Variants in ZBTB48 observed in about 807,000 individuals in gnomAD.
ZBTB48 encodes zinc finger and BTB domain-containing protein 48.
In ZBTB48, 35 loss-of-function variants were observed where a neutral mutation model predicts 64.5. The ratio of observed to expected loss-of-function variants is 0.54; its 90% CI spans 0.41 to 0.72. The LOEUF (loss-of-function observed/expected upper bound fraction) is 0.72. ZBTB48 is among the 30% of genes least tolerant of loss of function. ZBTB48 has a pLI of 0.00. For missense variants in ZBTB48, 828 were observed against 895.3 expected, an observed-to-expected ratio of 0.92 and a Z score of 0.96; for synonymous variants, 442 against 356.7, an observed-to-expected ratio of 1.24 and a Z score of -2.70.
rs561383958 is a variant in ZBTB48, at chr1:6,581,934, G to T, written c.691-124G>T. The T allele has an allele frequency of 2.1e-6, 3 of 1,440,594 alleles. No individual in the cohort carries two copies. The South Asian group carries it at 3.9e-5, about 19-fold the overall frequency. 89.2% of individuals were successfully genotyped at this position (1,440,594 alleles called of 1,614,324 possible). A position where few individuals can be genotyped will look rare whatever the true frequency, so the allele number is the denominator to read the frequency against. ...AGATGCTCTGCCTTGGGCCCCTGAAGGAACTTGTCTGATGAAGGGACTTGT... is the reference window on the plus strand; with the variant it reads ...AGATGCTCTGCCTTGGGCCCCTGAATGAACTTGTCTGATGAAGGGACTTGT... On this transcript the variant is annotated intron_variant, in intron 2 of 10. Transcript: ENST00000377674.
At chr1:6,586,617 C>T (rs994524384) in intron 4 of ZBTB48, 78 bp from the exon 5 acceptor site, 101 of 1,444,124 alleles carry the variant, frequency 7.0e-5, no homozygotes, top group Non-Finnish European at 7.9e-5. Flanking sequence ...CAGCAGCAAG[C>T]GGAAGCCCGG....
chr1:6,589,083 G>C lies in ZBTB48; in HGVS notation c.1938G>C (p.Leu646=), dbSNP rs757849015. The C allele has an allele frequency of 3.1e-6, 5 of 1,608,086 alleles. No homozygotes were observed. The African/African-American group carries it at 5.4e-5, about 17-fold the overall frequency. The change falls in exon 11 of 11, where the codon CTG becomes CTC. Residue 646 remains leucine (L), a synonymous_variant. Coordinates refer to ENST00000377674, the MANE Select transcript of ZBTB48 (RefSeq NM_005341.4). ...CGGCGGAGGTCATTGTGGAGTCCCT[G>C]GCCCAGGGCGGCCTGGCCTCCCAGC... ...VGSAEVIVES[L]AQGGLASQLP...
chr1:6,580,961 A>G lies in ZBTB48; in HGVS notation c.352A>G (p.Thr118Ala), dbSNP rs1463320545. 6.8e-6 allele frequency: 11 copies of G among 1,613,798 alleles called. No individual in the cohort carries two copies. The highest frequency in any genetic ancestry group is 9.3e-6 in the Non-Finnish European group (11 of 1,180,012). ...VELCQSFKPK[T>A]SVGQAAGGQS... ...GCTGTGCCAGAGCTTCAAGCCCAAA[A>G]CTTCAGTGGGACAGGCAGCAGGTGG... is the stretch of plus-strand genomic sequence containing the variant. Residue 118 changes from threonine (T) to alanine (A), a missense_variant, in exon 2 of 11, where the codon ACT (threonine) becomes GCT (alanine). Thr to Ala is a moderately conservative substitution (Grantham distance 58, BLOSUM62 0). Coordinates refer to ENST00000377674, the MANE Select transcript of ZBTB48 (RefSeq NM_005341.4). The surrounding 1 kb of genome is among the most constrained non-coding windows in gnomAD (Gnocchi z 5.2).
chr1:6,586,591 C>T, intron 4 of ZBTB48, 104 bp from the exon 5 acceptor site: 1 of 1,416,286 alleles, frequency 7.1e-7, no homozygotes, highest in East Asian at 2.6e-5. Context: ...CCCACCCTCC[C>T]CAGGCAGACT....
intron 5 of ZBTB48, 128 bp from the exon 6 acceptor site, chr1:6,587,077 G>A (rs1026673474): frequency 1.6e-5 from 17 of 1,068,726 alleles, no homozygotes; most frequent in Non-Finnish European, 2.0e-5. Flanking sequence ...CTTCACACCA[G>A]ATCAGGGGTC....
rs1478121848 is a variant in ZBTB48, at chr1:6,584,365, T to A, written c.933-1554T>A. Among the ~76,000 whole-genome samples the A allele has an allele frequency of 1.3e-5, 2 of 152,258 alleles. No individual in the cohort carries two copies. The highest frequency in any genetic ancestry group is 2.9e-5 in the Non-Finnish European group (2 of 68,046). On this transcript the variant is annotated intron_variant, in intron 3 of 10. Transcript: ENST00000377674. The surrounding 1 kb of genome is among the most constrained non-coding windows in gnomAD (Gnocchi z 4.5). Reference sequence around the variant, plus strand: ...AGCACATTTCCATCATCGTGGAGAATCCCCTTGGGCGGCACTGCTTTGGAG... The same window carrying A: ...AGCACATTTCCATCATCGTGGAGAAACCCCTTGGGCGGCACTGCTTTGGAG...
intron 2 of ZBTB48, 27 bp downstream of exon 2, chr1:6,581,326 G>T: frequency 6.4e-7 from 1 of 1,554,432 alleles, no homozygotes; most frequent in Non-Finnish European, 8.7e-7. Flanking sequence ...GTTGGGACTG[G>T]GGAGACAAAT....
chr1:6,582,030 C>T (rs1227037857), intron 2 of ZBTB48, 28 bp from the exon 3 acceptor site: 19 of 1,605,864 alleles, frequency 1.2e-5, no homozygotes, highest in Non-Finnish European at 1.4e-5. Flanking sequence ...GGTGACGCCA[C>T]CCCCTCCTGC....
rs746681902 is a variant in ZBTB48 at position 6,586,005 on chromosome 1, G to T, written c.1019G>T (p.Arg340Leu). The T allele has an allele frequency of 6.2e-7, 1 of 1,614,028 alleles. No homozygotes were observed. The highest frequency in any genetic ancestry group is 1.3e-5 in the African/African-American group (1 of 74,926). Residue 340 changes from arginine (R) to leucine (L), a missense_variant, in exon 4 of 11, where the codon CGG becomes CTG. Physicochemically the swap from Arg to Leu is moderately radical, Grantham distance 102. Transcript: ENST00000377674. ...RKENLLEHEA[R>L]NCMNRSEQVF... is the part of the protein sequence containing the mutation. Reference sequence around the variant, plus strand: ...GAGAACCTCCTGGAGCATGAAGCCCGGAATTGCATGAACCGCTCGGAACAG... The same window carrying T: ...GAGAACCTCCTGGAGCATGAAGCCCTGAATTGCATGAACCGCTCGGAACAG...
intron 4 of ZBTB48, chr1:6,586,406 A>G: frequency 1.9e-6 from 1 of 534,062 alleles, no homozygotes; most frequent in Non-Finnish European, 3.2e-6. Flanking sequence ...ACCCAGGCCC[A>G]CTCTTCCTAG....
chr1:6,582,536 G>A (rs1230667202), intron 3 of ZBTB48, among the ~76,000 whole-genome samples: 3 of 152,234 alleles, frequency 2.0e-5, no homozygotes, highest in Non-Finnish European at 4.4e-5. Context: ...TGTACATCTT[G>A]TCAACAGGTT....
rs1000244169 is a variant in ZBTB48 at position 6,588,420 on chromosome 1, G to C, written c.1659G>C (p.Gln553His). The C allele has an allele frequency of 1.3e-6, 2 of 1,557,562 alleles. No homozygotes were observed. Among genetic ancestry groups the C allele is most frequent in the African/African-American group, 1.4e-5 (1 of 73,128 alleles). ...AGGAGGGCCGGCCCCACTTCTGCCAGATATGCGGCAAGACCTTCAAAGGTA... is the reference window on the plus strand; with the variant it reads ...AGGAGGGCCGGCCCCACTTCTGCCACATATGCGGCAAGACCTTCAAAGGTA... ...RHQEGRPHFCQICGKTFKAVE... is the reference protein window; with the variant it reads ...RHQEGRPHFCHICGKTFKAVE... Residue 553 changes from glutamine to histidine, a missense_variant, in exon 9 of 11, where the codon CAG becomes CAC. Coordinates refer to ENST00000377674, the MANE Select transcript of ZBTB48 (RefSeq NM_005341.4).
chr1:6,581,016 A>G lies in ZBTB48; in HGVS notation c.407A>G (p.Gln136Arg). ...AGTGGGCTGGGGCCCCCTGCCTCCC[A>G]GAATGTGAACAGCCACGTCAAGGAG... The part of the protein sequence containing the change: ...GQSGLGPPAS[Q>R]NVNSHVKEPA... The change falls in exon 2 of 11, where the codon CAG (glutamine) becomes CGG (arginine). Residue 136 changes from glutamine to arginine, a missense_variant. Transcript: ENST00000377674. 6.2e-7 allele frequency: 1 copy of G among 1,613,432 alleles called. No individual in the cohort carries two copies. Among genetic ancestry groups the G allele is most frequent in the Non-Finnish European group, 8.5e-7 (1 of 1,180,020 alleles).
Position 6,580,757 on chromosome 1 carries a change from T to C in ZBTB48, c.148T>C (p.Phe50Leu). Reference protein sequence around the residue: ...HWSVLACCSHFFQSLYGDGSG... With the variant: ...HWSVLACCSHLFQSLYGDGSG... ...GAGTGTCCTTGCCTGCTGCAGTCAC[T>C]TTTTCCAGAGCCTCTACGGGGATGG... The change falls in exon 2 of 11, where the codon TTT becomes CTT. Residue 50 changes from phenylalanine to leucine, a missense_variant. Physicochemically the swap from Phe to Leu is conservative, Grantham distance 22 (BLOSUM62 0). Transcript: ENST00000377674. This position sits in a 1 kb window ranked among gnomAD's most constrained non-coding sequence, Gnocchi z 5.2. 1 of 1,614,174 alleles carries C rather than the reference T, an allele frequency of 6.2e-7. No individual in the cohort carries two copies. The highest frequency in any genetic ancestry group is 1.1e-5 in the South Asian group (1 of 91,080).
In ZBTB48 at chr1:6,588,294, C is replaced by T. The variant is rs767194186; in HGVS notation, c.1533C>T (p.His511=). 9.3e-6 allele frequency: 15 copies of T among 1,607,870 alleles called. No homozygotes were observed. Among genetic ancestry groups the T allele is most frequent in the Non-Finnish European group, 1.2e-5 (14 of 1,175,460 alleles). The part of the protein sequence containing the change: ...TFRTQASLDK[H]NRTHTGERPF... ...TGCCTGCAGCCAGCCTGGACAAGCA[C>T]AACCGCACCCACACCGGGGAAAGGC... is the stretch of plus-strand genomic sequence containing the variant. The change falls in exon 9 of 11, where the codon CAC becomes CAT. Residue 511 remains histidine (H), a synonymous_variant. Coordinates refer to ENST00000377674, the MANE Select transcript of ZBTB48 (RefSeq NM_005341.4).
At chr1:6,586,400 A>G (rs1018022867) in intron 4 of ZBTB48, 3 of 528,414 alleles carry the variant, frequency 5.7e-6, no homozygotes, top group South Asian at 5.5e-5. Context: ...GCCGAAACCC[A>G]GGCCCACTCT....
intron 3 of ZBTB48, among the ~76,000 whole-genome samples, chr1:6,583,776 C>CT (rs36102416): frequency 0.011 from 978 of 85,846 alleles, 21 homozygotes; most frequent in Non-Finnish European, 0.017. Context: ...AATTGTTTTA[C>CT]TTTTTTTTTT....
rs1640607034 is a variant in ZBTB48, at chr1:6,584,999, GCAGATAA to G, written c.933-912_933-906del. 1.3e-5 allele frequency among the ~76,000 whole-genome samples: 2 copies of G among 152,316 alleles called. No homozygotes were observed. Among genetic ancestry groups the G allele is most frequent in the South Asian group, 2.1e-4 (1 of 4,824 alleles). The stretch of plus-strand genomic sequence containing the variant: ...GCAGCCGACCTGCTTGCCAGGCAAT[GCAGATAA>G]CAGATAAGTCCATCTGCCTGCAGTA... On this transcript the variant is annotated intron_variant, in intron 3 of 10. Coordinates refer to ENST00000377674, the MANE Select transcript of ZBTB48 (RefSeq NM_005341.4). This position sits in a 1 kb window ranked among gnomAD's most constrained non-coding sequence, Gnocchi z 4.5.
In ZBTB48 at chr1:6,587,633, G is replaced by C; in HGVS notation, c.1379+1G>C. ...AGATGCACATCAAGGCCAAGCACAG[G>C]TGCGTGTCGCCCGTTCTCTCTTGGG... On this transcript the variant is annotated splice_donor_variant, in intron 7 of 10. Transcript: ENST00000377674. LOFTEE classifies it high-confidence loss of function. 1 of 1,612,598 alleles carries C rather than the reference G, an allele frequency of 6.2e-7. No individual in the cohort carries two copies. The highest frequency in any genetic ancestry group is 8.5e-7 in the Non-Finnish European group (1 of 1,180,028).
Sources: allele counts gnomAD v4.1 joint callset (sites outside exome capture counted in the v4.1 genomes callset), GRCh38; gene constraint gnomAD v4.1.1; non-coding constraint Gnocchi (gnomAD v3.1); transcripts MANE v1.5; gene names NCBI Gene and HGNC (gene_info 2026-07-23, HGNC 2026-07-21).